TCERG1: variants seen among roughly 807,000 people sequenced by gnomAD.
TCERG1 encodes transcription elongation regulator 1.
A neutral mutation model predicts 144.7 loss-of-function variants in TCERG1; 37 were observed. The ratio of observed to expected loss-of-function variants is 0.26; its 90% CI spans 0.20 to 0.34. TCERG1 has a LOEUF of 0.34. TCERG1 is among the 10% of genes least tolerant of loss of function. The pLI is 1.00. For missense variants in TCERG1, 1,027 were observed against 1,380.7 expected, an observed-to-expected ratio of 0.74 and a Z score of 4.06; for synonymous variants, 492 against 458.2, an observed-to-expected ratio of 1.07 and a Z score of -0.94.
chr5:146,449,283 A>C (rs1762159381), intron 1 of TCERG1, among the ~76,000 whole-genome samples: 1 of 152,242 alleles, frequency 6.6e-6, no homozygotes, highest in Admixed American at 6.5e-5. Context: ...TATTGGGCCG[A>C]CATTTATTGT....
At chr5:146,481,248 T>A in intron 13 of TCERG1, 48 bp downstream of exon 13, 1 of 892,716 alleles carries the variant, frequency 1.1e-6, no homozygotes, top group Non-Finnish European at 1.3e-6. Flanking sequence ...TTCTTTTATT[T>A]CCTTTATTGA....
At chr5:146,472,112 G>A (rs1181416026) in intron 9 of TCERG1, among the ~76,000 whole-genome samples, 2 of 152,054 alleles carry the variant, frequency 1.3e-5, no homozygotes, top group African/African-American at 4.8e-5. Flanking sequence ...TTATAGACAT[G>A]ACCACTGTGA....
rs1581477408 is a variant in TCERG1, at chr5:146,478,626, A to C, written c.1735A>C (p.Lys579Gln). The C allele has an allele frequency of 2.5e-6, 4 of 1,602,176 alleles. No homozygotes were observed. In the East Asian group the frequency reaches 9.0e-5, roughly 36 times the overall value. Residue 579 changes from lysine to glutamine, a missense_variant, in exon 10 of 23, where the codon AAA (lysine) becomes CAA (glutamine). Around this residue, in one of 6 missense-constraint regions of TCERG1, gnomAD observed 482 missense variants for 632.6 expected, o/e 0.76. Coordinates refer to ENST00000679501, the MANE Select transcript of TCERG1 (RefSeq NM_001382548.1). The part of the protein sequence containing the change: ...DKIIQEPPHK[K>Q]GMEELKKLRH... Reference sequence around the variant, plus strand: ...AATTATTCAGGAGCCCCCTCATAAAAAAGGAATGGAGGAATTGAAGAAACT... The same window carrying C: ...AATTATTCAGGAGCCCCCTCATAAACAAGGAATGGAGGAATTGAAGAAACT...
At chr5:146,488,220 G>GC (rs1392416713) in intron 15 of TCERG1, among the ~76,000 whole-genome samples, 15 of 152,040 alleles carry the variant, frequency 9.9e-5, no homozygotes, top group Admixed American at 8.5e-4. Context: ...GACCTCAAAA[G>GC]CACAAGCAAG....
chr5:146,509,090 T>C lies in TCERG1; in HGVS notation c.3046-55T>C, dbSNP rs543550267. 2.1e-5 allele frequency: 21 copies of C among 992,246 alleles called. No homozygotes were observed. The Admixed American group carries it at 3.5e-4, about 16-fold the overall frequency. The allele number at this position is 992,246 out of a possible 1,614,324, so 61.5% of individuals were successfully genotyped here. ...GTTTAATAAATAATTGATGTTTATTTTGGAATTAGTGGGTTTTATTTCCAT... is the reference window on the plus strand; with the variant it reads ...GTTTAATAAATAATTGATGTTTATTCTGGAATTAGTGGGTTTTATTTCCAT... On this transcript the variant is annotated intron_variant, in intron 21 of 22. Coordinates refer to ENST00000679501, the MANE Select transcript of TCERG1 (RefSeq NM_001382548.1).
chr5:146,457,471 G>C (rs116539587), intron 3 of TCERG1, 136 bp downstream of exon 3: 40,325 of 840,952 alleles, frequency 0.048, 1,216 homozygotes, highest in Middle Eastern at 0.072. Flanking sequence ...TAAGACTTCA[G>C]GAGAAGCTGA....
intron 4 of TCERG1, among the ~76,000 whole-genome samples, chr5:146,461,203 T>G (rs537967093): frequency 6.6e-6 from 1 of 152,100 alleles, no homozygotes; most frequent in South Asian, 2.1e-4. Context: ...TTGGGAGGAC[T>G]TTATTCCCAG....
chr5:146,455,346 A>G, intron 2 of TCERG1, 65 bp downstream of exon 2: 4 of 1,550,846 alleles, frequency 2.6e-6, no homozygotes, highest in Non-Finnish European at 3.5e-6. Context: ...ATGGGTTTTG[A>G]GTTAAAAACT....
intron 17 of TCERG1, among the ~76,000 whole-genome samples, chr5:146,501,859 G>A (rs931025340): frequency 3.7e-5 from 5 of 135,384 alleles, no homozygotes; most frequent in African/African-American, 1.4e-4. Context: ...AACCTTAAAA[G>A]TATTTTCCAG....
intron 15 of TCERG1, among the ~76,000 whole-genome samples, chr5:146,487,966 T>C (rs1190227847): frequency 6.6e-6 from 1 of 152,134 alleles, no homozygotes; most frequent in Non-Finnish European, 1.5e-5. Flanking sequence ...AGGCAACTTA[T>C]TTTGACAAAG....
chr5:146,453,431 G>C (rs945957871), intron 1 of TCERG1, among the ~76,000 whole-genome samples: 1 of 152,162 alleles, frequency 6.6e-6, no homozygotes, highest in African/African-American at 2.4e-5. Context: ...TGAGGGTAAG[G>C]TATACCTATG....
At chr5:146,451,908 C>A (rs1206091586) in intron 1 of TCERG1, among the ~76,000 whole-genome samples, 1 of 151,758 alleles carries the variant, frequency 6.6e-6, no homozygotes, top group African/African-American at 2.4e-5. Context: ...ATGCCTCAAC[C>A]TCTCAAGTAG....
At chr5:146,450,423 G>A (rs1012079729) in intron 1 of TCERG1, among the ~76,000 whole-genome samples, 3 of 152,134 alleles carry the variant, frequency 2.0e-5, no homozygotes, top group African/African-American at 7.2e-5. Flanking sequence ...AGGTTAATGT[G>A]GGCCAGGTTA....
chr5:146,460,307 G>A (rs1763222147), intron 4 of TCERG1, among the ~76,000 whole-genome samples: 1 of 151,242 alleles, frequency 6.6e-6, no homozygotes, highest in South Asian at 2.1e-4. Flanking sequence ...TGACAATATT[G>A]CTTTCTTTTT....
intron 9 of TCERG1, among the ~76,000 whole-genome samples, chr5:146,475,476 A>C (rs1410274609): frequency 2.0e-5 from 3 of 152,208 alleles, no homozygotes; most frequent in African/African-American, 7.2e-5. Context: ...GGGATGCTCT[A>C]AACATCCTAT....
At chr5:146,458,207 G>T (rs537084435) in intron 3 of TCERG1, among the ~76,000 whole-genome samples, 1 of 150,346 alleles carries the variant, frequency 6.7e-6, no homozygotes, top group South Asian at 2.1e-4. Flanking sequence ...ATGGAGTCTC[G>T]TGCTGTCACC....
intron 16 of TCERG1, among the ~76,000 whole-genome samples, chr5:146,495,222 TA>T (rs1296266994): frequency 1.3e-5 from 2 of 152,194 alleles, no homozygotes; most frequent in East Asian, 3.9e-4. Context: ...TCAGATTTTT[TA>T]AAAAAAATTT....
chr5:146,486,778 G>C (rs775378378), intron 15 of TCERG1, among the ~76,000 whole-genome samples: 1 of 152,062 alleles, frequency 6.6e-6, no homozygotes, highest in Admixed American at 6.6e-5. Context: ...AAATCTCTTA[G>C]AACTGATAAA....
chr5:146,497,319 A>G (rs1232705330), intron 16 of TCERG1, among the ~76,000 whole-genome samples: 1 of 152,098 alleles, frequency 6.6e-6, no homozygotes, highest in African/African-American at 2.4e-5. Context: ...TACAGGCGTC[A>G]GCTACTGTGC....
Sources: gnomAD v4.1 joint callset for allele counts (sites outside exome capture counted in the v4.1 genomes callset) on GRCh38, gnomAD v4.1.1 for gene constraint, gnomAD v4.1.1 regional missense constraint, MANE v1.5 for transcripts, NCBI Gene and HGNC (gene_info 2026-07-23, HGNC 2026-07-21) for gene names.